Variants in DYNC2I2 observed in about 807,000 individuals in gnomAD.
The protein encoded by DYNC2I2 is cytoplasmic dynein 2 intermediate chain 2.
A neutral mutation model predicts 52.0 loss-of-function variants in DYNC2I2; 39 were observed. That is an observed-to-expected ratio of 0.75 (90% CI 0.58 to 0.98). The LOEUF is 0.98. Among genes scored for constraint, DYNC2I2 ranks in the 50% least tolerant of loss-of-function variants. The probability of loss-of-function intolerance (pLI) is 0.00; values close to 1 mark genes in which losing one functional copy is unlikely to be tolerated. For synonymous variants in DYNC2I2, 359 were observed against 321.1 expected, an observed-to-expected ratio of 1.12 and a Z score of -1.26; for missense variants, 743 against 728.4, an observed-to-expected ratio of 1.02 and a Z score of -0.23.
chr9:128,656,227 CAAAACCA>C (rs1860821005), intron 1 of DYNC2I2, among the ~76,000 whole-genome samples: 1 of 151,554 alleles, frequency 6.6e-6, no homozygotes, highest in African/African-American at 2.4e-5. Context: ...AAACACAAAA[CAAAACCA>C]AAAAAAGTTG....
intron 1 of DYNC2I2, among the ~76,000 whole-genome samples, chr9:128,648,136 C>G (rs921837313): frequency 3.3e-5 from 5 of 152,294 alleles, no homozygotes; most frequent in African/African-American, 9.6e-5. Flanking sequence ...TGGCCGGGCA[C>G]AGTGGCTCGC....
chr9:128,668,161 A>T, the DYNC2I2 span, among the ~76,000 whole-genome samples: 2 of 151,590 alleles, frequency 1.3e-5, no homozygotes, highest in African/African-American at 4.8e-5. Flanking sequence ...GGGTTTCATC[A>T]TGTTGGCCAG....
chr9:128,671,145 G>A, the DYNC2I2 span, among the ~76,000 whole-genome samples: 1 of 151,282 alleles, frequency 6.6e-6, no homozygotes, highest in African/African-American at 2.4e-5. Flanking sequence ...AGAAACACAT[G>A]AAGAACTTCG....
chr9:128,634,660 C>T lies in DYNC2I2; in HGVS notation c.1214+29G>A, dbSNP rs768052013. ...CCCGCAGGGCAGGGACACCCTGGCC[C>T]CACTGTGCCCCAGGCCTGCCCTACG... On this transcript the variant is annotated intron_variant, in intron 7 of 8. Transcript: ENST00000372715. 13 of 1,499,488 alleles carry T rather than the reference C, an allele frequency of 8.7e-6. 1 individual carries two copies. The South Asian group carries it at 1.6e-4, about 18-fold the overall frequency. The allele number at this position is 1,499,488 out of a possible 1,614,324, so 92.9% of individuals were successfully genotyped here.
the DYNC2I2 span, among the ~76,000 whole-genome samples, chr9:128,665,442 T>TA: frequency 6.6e-6 from 1 of 152,054 alleles, no homozygotes; most frequent in Non-Finnish European, 1.5e-5. Context: ...GGCTTTCTCA[T>TA]AAAAAGTACT....
At chr9:128,656,501 T>A in intron 1 of DYNC2I2, 40 bp downstream of exon 1, 1 of 1,240,552 alleles carries the variant, frequency 8.1e-7, no homozygotes, top group Non-Finnish European at 1.0e-6. Flanking sequence ...CGACCCCGCC[T>A]TCCCGCCCGC....
At chr9:128,635,035 T>C (rs1860358655) in intron 6 of DYNC2I2, 57 bp downstream of exon 6, 1 of 1,585,208 alleles carries the variant, frequency 6.3e-7, no homozygotes, top group East Asian at 2.2e-5. Context: ...CTGCCACACC[T>C]TCCCACCCCC....
chr9:128,680,416 C>T, the DYNC2I2 span, among the ~76,000 whole-genome samples: 3 of 146,660 alleles, frequency 2.0e-5, no homozygotes, highest in Non-Finnish European at 4.5e-5. Context: ...CTTGCTCTGT[C>T]GCCCAGGCTG....
rs756005749 is a variant in DYNC2I2, at chr9:128,634,775, G to A, written c.1128C>T (p.Ser376=). The change falls in exon 7 of 9, where the codon AGC becomes AGT. Residue 376 remains serine, a synonymous_variant. Coordinates refer to ENST00000372715, the MANE Select transcript of DYNC2I2 (RefSeq NM_052844.4). ...AGEAALTRMP[S]SVPLRAPAQF... ...GTGCTGGGGCCCGCAGGGGCACGGA[G>A]CTGGGCATCCGCGTGAGGGCTGCCT... is the stretch of plus-strand genomic sequence containing the variant. 2 of 1,609,788 alleles carry A rather than the reference G, an allele frequency of 1.2e-6. No individual in the cohort carries two copies. Among genetic ancestry groups the A allele is most frequent in the Non-Finnish European group, 1.7e-6 (2 of 1,178,420 alleles).
the DYNC2I2 span, among the ~76,000 whole-genome samples, chr9:128,671,063 G>A: frequency 1.5e-4 from 8 of 53,530 alleles, no homozygotes; most frequent in Non-Finnish European, 2.6e-4. Flanking sequence ...GCGAAACTCC[G>A]TCTCAAAAAA....
the DYNC2I2 span, chr9:128,683,716 T>C: frequency 6.2e-6 from 3 of 485,748 alleles, no homozygotes; most frequent in East Asian, 1.1e-4. Context: ...GGAGGGTGGG[T>C]GGGATGAGGC....
the DYNC2I2 span, among the ~76,000 whole-genome samples, chr9:128,666,240 G>A: frequency 6.6e-6 from 1 of 151,706 alleles, no homozygotes; most frequent in South Asian, 2.1e-4. Context: ...GCCGGGCGTG[G>A]GCATGGTGGT....
the DYNC2I2 span, among the ~76,000 whole-genome samples, chr9:128,668,106 G>A: frequency 2.0e-4 from 30 of 151,838 alleles, no homozygotes; most frequent in African/African-American, 3.4e-4. Flanking sequence ...GATTACAGGC[G>A]TGAGCCACTA....
intron 1 of DYNC2I2, among the ~76,000 whole-genome samples, chr9:128,649,790 C>T (rs369538824): frequency 1.1e-4 from 2 of 18,046 alleles, no homozygotes; most frequent in South Asian, 2.5e-3. Context: ...GTCAGGAGTT[C>T]AAGACCAGCC....
chr9:128,646,122 T>G (rs376254296), intron 1 of DYNC2I2, among the ~76,000 whole-genome samples: 2 of 152,378 alleles, frequency 1.3e-5, no homozygotes, highest in East Asian at 3.9e-4. Context: ...CAAGTGCTGC[T>G]GGAGAAGCCG....
the DYNC2I2 span, among the ~76,000 whole-genome samples, chr9:128,670,014 C>T: frequency 6.6e-6 from 1 of 152,068 alleles, no homozygotes; most frequent in Non-Finnish European, 1.5e-5. Flanking sequence ...TGGTGGTGAA[C>T]ACCTGTAATC....
chr9:128,653,272 C>CT (rs1216401283), intron 1 of DYNC2I2, among the ~76,000 whole-genome samples: 3 of 150,978 alleles, frequency 2.0e-5, no homozygotes, highest in Non-Finnish European at 4.4e-5. Context: ...GGTGAGGTGG[C>CT]TCAGGCTTGT....
the DYNC2I2 span, among the ~76,000 whole-genome samples, chr9:128,672,754 G>A: frequency 7.2e-5 from 11 of 152,170 alleles, no homozygotes; most frequent in African/African-American, 1.2e-4. Context: ...TTGGCCGGGC[G>A]CGGTGGCTCA....
chr9:128,675,416 G>C, the DYNC2I2 span, among the ~76,000 whole-genome samples: 1 of 152,112 alleles, frequency 6.6e-6, no homozygotes, highest in Non-Finnish European at 1.5e-5. Flanking sequence ...CTGACCTCAG[G>C]TGATCTGCCC....
Sources: allele counts gnomAD v4.1 joint callset (sites outside exome capture counted in the v4.1 genomes callset), GRCh38; gene constraint gnomAD v4.1.1; transcripts MANE v1.5; gene names NCBI Gene and HGNC (gene_info 2026-07-23, HGNC 2026-07-21).